GRSF1: variants seen among roughly 807,000 people sequenced by gnomAD.
GRSF1 encodes G-rich RNA sequence binding factor 1.
In GRSF1, 50 loss-of-function variants were observed where a neutral mutation model predicts 51.1. The ratio of observed to expected loss-of-function variants is 0.98; its 90% CI spans 0.78 to 1.24. GRSF1 has a LOEUF of 1.24. Ranked by LOEUF, GRSF1 falls within the 50% of genes most tolerant of loss-of-function variation. GRSF1 has a pLI of 0.00. For synonymous variants in GRSF1, 293 were observed against 253.3 expected (o/e 1.16, Z -1.49); for missense variants, 700 against 639.7 (o/e 1.09, Z -1.02).
Position 70,832,442 on chromosome 4 carries a change from T to C in GRSF1, c.679A>G (p.Ile227Val), listed in dbSNP as rs765301394. 1 of 1,600,950 alleles carries C rather than the reference T, an allele frequency of 6.2e-7. No homozygotes were observed. Among genetic ancestry groups the C allele is most frequent in the South Asian group, 1.1e-5 (1 of 90,636 alleles). Residue 227 changes from isoleucine (I) to valine (V), a missense_variant, in exon 4 of 10, where the codon ATA becomes GTA. Physicochemically the swap from Ile to Val is conservative, Grantham distance 29. Transcript: ENST00000254799. ...MGQRYVEVYE[I>V]NNEDVDALMK... ...AAGGCATCCACATCTTCATTGTTTA[T>C]CTCATATACTACGAAGAAAAAACCC...
rs752884546 is a variant in GRSF1 at position 70,832,446 on chromosome 4, A to G, written c.675T>C (p.Tyr225=). 2 of 1,587,542 alleles carry G rather than the reference A, an allele frequency of 1.3e-6. No homozygotes were observed. Among genetic ancestry groups the G allele is most frequent in the African/African-American group, 2.7e-5 (2 of 74,528 alleles). The part of the protein sequence containing the change: ...MYMGQRYVEV[Y]EINNEDVDAL... ...CATCCACATCTTCATTGTTTATCTC[A>G]TATACTACGAAGAAAAAACCCAACA... The change falls in exon 4 of 10, where the codon TAT becomes TAC. Residue 225 remains tyrosine (Y), a synonymous_variant. Coordinates refer to ENST00000254799, the MANE Select transcript of GRSF1 (RefSeq NM_002092.4).
chr4:70,820,926 T>C (rs1487988187), intron 9 of GRSF1, 65 bp from the exon 10 acceptor site: 1 of 152,504 alleles, frequency 6.6e-6, no homozygotes, highest in African/African-American at 2.4e-5. Context: ...CACATTCCCA[T>C]ACCATTTAAA....
chr4:70,832,289 AATACAACTGCAAAGTACCT>A lies in GRSF1; in HGVS notation c.813_814+17del, dbSNP rs1734011219. On this transcript the variant is annotated splice_donor_variant and splice_donor_5th_base_variant and coding_sequence_variant and intron_variant, in exon 4 of 10. Transcript: ENST00000254799. LOFTEE classifies it high-confidence loss of function. Reference sequence around the variant, plus strand: ...AAAAAAGATATGAGCTCCCAAGCATAATACAACTGCAAAGTACCTGCAAAGAAGTCTACAATGTCTTTCT... The same window carrying A: ...AAAAAAGATATGAGCTCCCAAGCATAGCAAAGAAGTCTACAATGTCTTTCT... 1.2e-6 allele frequency: 2 copies of A among 1,609,700 alleles called. No homozygotes were observed. Among genetic ancestry groups the A allele is most frequent in the Admixed American group, 3.3e-5 (2 of 59,742 alleles).
At position 70,826,170 on chromosome 4, in the gene GRSF1, T is replaced by C. The variant is rs1733728662; in HGVS notation, c.1211A>G (p.His404Arg). The C allele has an allele frequency of 6.2e-7, 1 of 1,611,752 alleles. No homozygotes were observed. The highest frequency in any genetic ancestry group is 1.7e-5 in the Admixed American group (1 of 59,630). Residue 404 changes from histidine to arginine, a missense_variant, in exon 7 of 10, where the codon CAC becomes CGC. By Grantham distance (29) the His-to-Arg change is conservative. Coordinates refer to ENST00000254799, the MANE Select transcript of GRSF1 (RefSeq NM_002092.4). ...GGCTTGGAAAGGTAATCCTCTCATG[T>C]GGACAAAATGCAGAGAAGACGTAGT... Reference protein sequence around the residue: ...FGTTSSLHFVHMRGLPFQANA... With the variant: ...FGTTSSLHFVRMRGLPFQANA...
chr4:70,822,375 G>C (rs535907036), intron 9 of GRSF1, among the ~76,000 whole-genome samples: 1 of 152,104 alleles, frequency 6.6e-6, no homozygotes, highest in South Asian at 2.1e-4. Flanking sequence ...TGGATGTCGG[G>C]AGTTTGAGAC....
At chr4:70,832,933 G>GTGAGGCC (rs1449259258) in intron 3 of GRSF1, among the ~76,000 whole-genome samples, 185 bp downstream of exon 3, 12 of 152,154 alleles carry the variant, frequency 7.9e-5, no homozygotes, top group African/African-American at 2.4e-4. Context: ...GGGTGACAGA[G>GTGAGGCC]TGAGATTCCA....
intron 4 of GRSF1, among the ~76,000 whole-genome samples, 188 bp from the exon 5 acceptor site, chr4:70,831,862 T>C (rs1313682765): frequency 2.0e-5 from 3 of 150,212 alleles, no homozygotes; most frequent in East Asian, 1.9e-4. Context: ...ATTTCCAGAA[T>C]AGGTAAGGTC....
rs1332719042 is a variant in GRSF1, at chr4:70,819,612, TTAAG to T, written c.*1271_*1274del. ...GCTGGTAATCAAAGATGGTTATGTA[TTAAG>T]TAAGAGAAGACATAGTCTCTCTTCC... On this transcript the variant is annotated 3_prime_UTR_variant, in exon 10 of 10. Coordinates refer to ENST00000254799, the MANE Select transcript of GRSF1 (RefSeq NM_002092.4). 2 of 152,582 alleles carry T rather than the reference TTAAG, an allele frequency of 1.3e-5. No homozygotes were observed. Among genetic ancestry groups the T allele is most frequent in the African/African-American group, 2.4e-5 (1 of 41,438 alleles). 9.5% of individuals were successfully genotyped at this position (152,582 alleles called of 1,614,324 possible).
At position 70,833,287 on chromosome 4, in the gene GRSF1, A is replaced by T; in HGVS notation, c.515-14T>A. 6.2e-7 allele frequency: 1 copy of T among 1,608,312 alleles called. No individual in the cohort carries two copies. Among genetic ancestry groups the T allele is most frequent in the Non-Finnish European group, 8.5e-7 (1 of 1,177,012 alleles). On this transcript the variant is annotated splice_polypyrimidine_tract_variant and intron_variant, in intron 2 of 9. Coordinates refer to ENST00000254799, the MANE Select transcript of GRSF1 (RefSeq NM_002092.4). The stretch of plus-strand genomic sequence containing the variant: ...GGATTCTGCAGTCTAAAAGTGTATG[A>T]GCAAAATCAATTGAAAACAGAAATC...
intron 4 of GRSF1, among the ~76,000 whole-genome samples, 169 bp from the exon 5 acceptor site, chr4:70,831,843 C>A (rs1198118523): frequency 1.1e-4 from 16 of 151,510 alleles, no homozygotes; most frequent in African/African-American, 3.9e-4. Context: ...TCAACACCTA[C>A]ATACTTGTAT....
upstream of GRSF1, chr4:70,839,914 G>T: frequency 1.6e-6 from 2 of 1,282,938 alleles, no homozygotes; most frequent in South Asian, 1.6e-5. Flanking sequence ...GGTTGGGGGT[G>T]GGGTGTGCCT....
At position 70,839,730 on chromosome 4, in the gene GRSF1, T is replaced by C. The variant is rs1169201713; in HGVS notation, c.98A>G (p.Tyr33Cys). 6.7e-6 allele frequency: 10 copies of C among 1,495,780 alleles called. No individual in the cohort carries two copies. The East Asian group carries it at 2.0e-4, about 30-fold the overall frequency. 92.7% of individuals were successfully genotyped at this position (1,495,780 alleles called of 1,614,324 possible). A position where few individuals can be genotyped will look rare whatever the true frequency, so the allele number is the denominator to read the frequency against. ...RRTGAACLPF[Y>C]SAAGSIPSGV... ...CGACGGGATAGAGCCAGCGGCGGAGTAGAAGGGCAGGCAGGCGGCGCCGGT... is the reference window on the plus strand; with the variant it reads ...CGACGGGATAGAGCCAGCGGCGGAGCAGAAGGGCAGGCAGGCGGCGCCGGT... Residue 33 changes from tyrosine (Y) to cysteine (C), a missense_variant, in exon 1 of 10, where the codon TAC becomes TGC. Coordinates refer to ENST00000254799, the MANE Select transcript of GRSF1 (RefSeq NM_002092.4).
rs1733352792 is a variant in GRSF1, at chr4:70,817,393, A to C, written c.*3494T>G. ...CCTAGCCTATTCTTGATTTTCATATAATCAGGCTTAAGACAGATTAAACCT... is the reference window on the plus strand; with the variant it reads ...CCTAGCCTATTCTTGATTTTCATATCATCAGGCTTAAGACAGATTAAACCT... On this transcript the variant is annotated 3_prime_UTR_variant, in exon 10 of 10. Coordinates refer to ENST00000254799, the MANE Select transcript of GRSF1 (RefSeq NM_002092.4). The C allele has an allele frequency of 1.3e-5, 2 of 152,118 alleles. No individual in the cohort carries two copies. The highest frequency in any genetic ancestry group is 2.9e-5 in the Non-Finnish European group (2 of 68,040). 9.4% of individuals were successfully genotyped at this position (152,118 alleles called of 1,614,324 possible).
chr4:70,839,399 G>A (rs1170994316), intron 1 of GRSF1, 72 bp downstream of exon 1: 8 of 1,508,948 alleles, frequency 5.3e-6, no homozygotes, highest in Middle Eastern at 1.8e-4. Context: ...ACGGAGGGAC[G>A]GAGGGGCGCG....
At chr4:70,835,090 C>T (rs1350050695) in intron 2 of GRSF1, among the ~76,000 whole-genome samples, 1 of 152,038 alleles carries the variant, frequency 6.6e-6, no homozygotes, top group African/African-American at 2.4e-5. Flanking sequence ...TAATGGTCTC[C>T]AGCACCACCC....
In GRSF1 at chr4:70,824,237, T is replaced by C. The variant is rs1733642729; in HGVS notation, c.*25+57A>G. The C allele has an allele frequency of 1.3e-6, 1 of 757,848 alleles. No individual in the cohort carries two copies. Among genetic ancestry groups the C allele is most frequent in the African/African-American group, 1.7e-5 (1 of 57,416 alleles). The allele number at this position is 757,848 out of a possible 1,614,324, so 46.9% of individuals were successfully genotyped here. ...CGCCCACCTTGGCCTCCCAAAGTAC[T>C]GGGATTACAGGTGTGAGCCACTGCA... On this transcript the variant is annotated intron_variant, in intron 9 of 9. Transcript: ENST00000254799.
At position 70,826,137 on chromosome 4, in the gene GRSF1, T is replaced by G; in HGVS notation, c.1244A>C (p.Gln415Pro). ...MRGLPFQANA[Q>P]DIINFFAPLK... ...ACTGCCACACACGTTTATAATGTCT[T>G]GGGCATTGGCTTGGAAAGGTAATCC... Residue 415 changes from glutamine to proline, a missense_variant, in exon 7 of 10, where the codon CAA (glutamine) becomes CCA (proline). By Grantham distance (76) the Gln-to-Pro change is moderately conservative. Coordinates refer to ENST00000254799, the MANE Select transcript of GRSF1 (RefSeq NM_002092.4). 1.2e-6 allele frequency: 2 copies of G among 1,611,374 alleles called. No individual in the cohort carries two copies. Among genetic ancestry groups the G allele is most frequent in the Non-Finnish European group, 1.7e-6 (2 of 1,178,442 alleles).
At chr4:70,828,558 C>T (rs1170173283) in intron 5 of GRSF1, among the ~76,000 whole-genome samples, 1 of 151,512 alleles carries the variant, frequency 6.6e-6, no homozygotes, top group Non-Finnish European at 1.5e-5. Flanking sequence ...TCTATTAAAC[C>T]CAAGCTTCTG....
chr4:70,829,996 T>G (rs1439373666), intron 5 of GRSF1, among the ~76,000 whole-genome samples: 2 of 152,144 alleles, frequency 1.3e-5, no homozygotes, highest in Non-Finnish European at 2.9e-5. Flanking sequence ...AAAACACAAA[T>G]GAACCCACTT....
Sources: allele counts gnomAD v4.1 joint callset (sites outside exome capture counted in the v4.1 genomes callset), GRCh38; gene constraint gnomAD v4.1.1; transcripts MANE v1.5; gene names NCBI Gene and HGNC (gene_info 2026-07-23, HGNC 2026-07-21).